Variants in ADGRB1 observed in about 807,000 individuals in gnomAD.
The protein encoded by ADGRB1 is brain-specific angiogenesis inhibitor 1.
ADGRB1 carries 36 observed loss-of-function variants against 175.7 expected under a neutral mutation model. The observed-to-expected ratio is 0.20, with a 90% CI of 0.16 to 0.27. The LOEUF (loss-of-function observed/expected upper bound fraction) is 0.27. Among genes scored for constraint, ADGRB1 ranks in the 10% least tolerant of loss-of-function variants. ADGRB1 has a pLI of 1.00. For synonymous variants in ADGRB1, 1,054 were observed against 979.4 expected (o/e 1.08, Z -1.42); for missense variants, 1,731 against 2,255.3 (o/e 0.77, Z 4.71).
chr8:142,464,089 T>TCCCCC lies in ADGRB1; in HGVS notation c.-107_-106insCCCCC. The TCCCCC allele has an allele frequency of 4.8e-6, 1 of 210,056 alleles. No homozygotes were observed. Among genetic ancestry groups the TCCCCC allele is most frequent in the Admixed American group, 6.7e-5 (1 of 14,852 alleles). The allele number at this position is 210,056 out of a possible 1,614,324, so 13.0% of individuals were successfully genotyped here. On this transcript the variant is annotated 5_prime_UTR_variant, in exon 2 of 31. Coordinates refer to ENST00000517894, the MANE Select transcript of ADGRB1 (RefSeq NM_001702.3). ...TCTCCCATCCCACCCTTGCCCCGCC[T>TCCCCC]CCCTGCCCCCACCGGGCCGGCCCTG... is the stretch of plus-strand genomic sequence containing the variant.
In ADGRB1 at chr8:142,543,459, C is replaced by G. The variant is rs373940748; in HGVS notation, c.4449+21C>G. 6.2e-6 allele frequency: 10 copies of G among 1,613,500 alleles called. No individual in the cohort carries two copies. Among genetic ancestry groups the G allele is most frequent in the African/African-American group, 1.3e-5 (1 of 75,040 alleles). On this transcript the variant is annotated intron_variant, in intron 29 of 30. Coordinates refer to ENST00000517894, the MANE Select transcript of ADGRB1 (RefSeq NM_001702.3). This position sits in a 1 kb window ranked among gnomAD's most constrained non-coding sequence, Gnocchi z 4.4. ...TTGAGGTGAGTTCTGGTGTCCCCCC[C>G]CACCAGACACTTAGGGCCAGATGTG...
rs1444351209 is a variant in ADGRB1 at position 142,543,360 on chromosome 8, C to T, written c.4414-43C>T. On this transcript the variant is annotated intron_variant, in intron 28 of 30. Transcript: ENST00000517894. This position sits in a 1 kb window ranked among gnomAD's most constrained non-coding sequence, Gnocchi z 4.4. ...GAGGCAGGGAGAGGCGTGGACTTGTCAGGGACCCTTGGCGAATGTTCGCAA... is the reference window on the plus strand; with the variant it reads ...GAGGCAGGGAGAGGCGTGGACTTGTTAGGGACCCTTGGCGAATGTTCGCAA... 6.2e-7 allele frequency: 1 copy of T among 1,612,124 alleles called. No homozygotes were observed. Among genetic ancestry groups the T allele is most frequent in the Non-Finnish European group, 8.5e-7 (1 of 1,179,014 alleles).
At chr8:142,462,801 G>A (rs556149347) in intron 1 of ADGRB1, among the ~76,000 whole-genome samples, 3 of 152,360 alleles carry the variant, frequency 2.0e-5, no homozygotes, top group Non-Finnish European at 4.4e-5. Flanking sequence ...TGGGATGGAC[G>A]GCCTGGCCAG....
intron 8 of ADGRB1, 47 bp downstream of exon 8, chr8:142,479,534 G>A (rs12682337): frequency 0.81 from 1,215,852 of 1,508,890 alleles, 490,956 homozygotes; most frequent in South Asian, 0.86. Flanking sequence ...GGCTGATGGC[G>A]ATTGGGCGGG....
intron 13 of ADGRB1, among the ~76,000 whole-genome samples, chr8:142,485,857 G>A (rs924466444): frequency 6.6e-6 from 1 of 152,296 alleles, no homozygotes; most frequent in Non-Finnish European, 1.5e-5. Context: ...TCTGGAGGCC[G>A]GAAAGTCCAA....
intron 2 of ADGRB1, among the ~76,000 whole-genome samples, chr8:142,466,579 C>T (rs570666802): frequency 2.0e-5 from 3 of 152,318 alleles, no homozygotes; most frequent in Non-Finnish European, 4.4e-5. Flanking sequence ...ACCTCAGCTG[C>T]GTCAGGTGCC....
rs1290386578 is a variant in ADGRB1 at position 142,481,821 on chromosome 8, C to A, written c.2130+110C>A. The A allele has an allele frequency of 6.0e-6, 6 of 992,058 alleles. No individual in the cohort carries two copies. The Admixed American group carries it at 1.2e-4, about 20-fold the overall frequency. The allele number at this position is 992,058 out of a possible 1,614,324, so 61.5% of individuals were successfully genotyped here. On this transcript the variant is annotated intron_variant, in intron 11 of 30. Transcript: ENST00000517894. ...CCCTGGCCACAGCCCAGGCCCTAAC[C>A]CATGTCATAGGTTGAACTCTGACCT...
chr8:142,477,284 TG>T lies in ADGRB1; in HGVS notation c.1222+9del. 6.6e-7 allele frequency: 1 copy of T among 1,525,576 alleles called. No homozygotes were observed. The highest frequency in any genetic ancestry group is 2.3e-5 in the East Asian group (1 of 44,418). 94.5% of individuals were successfully genotyped at this position (1,525,576 alleles called of 1,614,324 possible). A position where few individuals can be genotyped will look rare whatever the true frequency, so the allele number is the denominator to read the frequency against. On this transcript the variant is annotated splice_region_variant and intron_variant, in intron 5 of 30. Transcript: ENST00000517894. ...CAACTCTGCCGTGTGCCCAGGTGGG[TG>T]GGACCTTGGGCTGGGGCAGCGGACA...
At chr8:142,508,637 G>A (rs1411191378) in intron 17 of ADGRB1, among the ~76,000 whole-genome samples, 6 of 152,204 alleles carry the variant, frequency 3.9e-5, no homozygotes, top group Non-Finnish European at 7.3e-5. Flanking sequence ...GTCCCTGGCC[G>A]CCATCGCAGT....
In ADGRB1 at chr8:142,508,479, T is replaced by C. The variant is rs1467780608; in HGVS notation, c.2676-2453T>C. 2.0e-5 allele frequency among the ~76,000 whole-genome samples: 3 copies of C among 152,174 alleles called. No homozygotes were observed. In the East Asian group the frequency reaches 5.8e-4, roughly 29 times the overall value. On this transcript the variant is annotated intron_variant, in intron 17 of 30. Coordinates refer to ENST00000517894, the MANE Select transcript of ADGRB1 (RefSeq NM_001702.3). ...ACCCCACGCTCCCTTTCCTGTTCTG[T>C]CCATAGCCCCAAAGCCTGCCTGGGT... is the stretch of plus-strand genomic sequence containing the variant.
intron 24 of ADGRB1, among the ~76,000 whole-genome samples, chr8:142,529,810 CTG>C (rs1844496337): frequency 1.4e-5 from 2 of 144,554 alleles, no homozygotes; most frequent in Admixed American, 6.9e-5. Context: ...GAGTGTGCAT[CTG>C]TGTGAGTGCA....
chr8:142,488,248 C>G, intron 13 of ADGRB1, 116 bp from the exon 14 acceptor site: 1 of 1,418,122 alleles, frequency 7.1e-7, no homozygotes, highest in African/African-American at 1.4e-5. Context: ...GCCATGGGCA[C>G]CCCGCGGCAT....
At chr8:142,466,446 G>T (rs1164027970) in intron 2 of ADGRB1, among the ~76,000 whole-genome samples, 3 of 152,240 alleles carry the variant, frequency 2.0e-5, no homozygotes, top group Non-Finnish European at 4.4e-5. Flanking sequence ...GGGGCCAGAG[G>T]AAGGAGGGAC....
chr8:142,479,208 G>T (rs1841190434), intron 7 of ADGRB1, 115 bp from the exon 8 acceptor site: 4 of 1,215,282 alleles, frequency 3.3e-6, no homozygotes, highest in Admixed American at 7.5e-5. Context: ...GGGTCCCTAT[G>T]TTTCACTGCC....
chr8:142,501,840 T>G (rs1237608950), intron 17 of ADGRB1, among the ~76,000 whole-genome samples: 1 of 40,410 alleles, frequency 2.5e-5, no homozygotes, highest in African/African-American at 6.3e-5. Context: ...GTGGTGGTAT[T>G]GATGTTTGTG....
At position 142,462,167 on chromosome 8, in the gene ADGRB1, G is replaced by A. The variant is rs1004110483; in HGVS notation, c.-219-1813G>A. Among the ~76,000 whole-genome samples the A allele has an allele frequency of 7.9e-4, 121 of 152,264 alleles. 1 individual carries two copies. The highest frequency in any genetic ancestry group is 5.1e-4 in the Non-Finnish European group (35 of 68,018). ...ACGAATGCGCCAGGATGGGAAGATT[G>A]TTTTGTAGGTTTGTCCCTTTCTAAA... On this transcript the variant is annotated intron_variant, in intron 1 of 30. Transcript: ENST00000517894.
chr8:142,524,290 G>A lies in ADGRB1; in HGVS notation c.3298G>A (p.Ala1100Thr), dbSNP rs537961331. 7 of 1,599,514 alleles carry A rather than the reference G, an allele frequency of 4.4e-6. No individual in the cohort carries two copies. Among genetic ancestry groups the A allele is most frequent in the Admixed American group, 3.4e-5 (2 of 59,598 alleles). Reference sequence around the variant, plus strand: ...GCTCTATGCCTTCGTGGGACCTGCCGCTGCCGTTGTGCTGGTACTGACCCG... The same window carrying A: ...GCTCTATGCCTTCGTGGGACCTGCCACTGCCGTTGTGCTGGTACTGACCCG... ...GLLYAFVGPA[A>T]AVVLVNMVIG... is the part of the protein sequence containing the mutation. Residue 1100 changes from alanine (A) to threonine (T), a missense_variant, in exon 23 of 31, where the codon GCT becomes ACT. Ala to Thr is a moderately conservative substitution (Grantham distance 58). Around this residue, in one of 8 missense-constraint regions of ADGRB1, gnomAD observed 301 missense variants for 488.4 expected, o/e 0.62. Coordinates refer to ENST00000517894, the MANE Select transcript of ADGRB1 (RefSeq NM_001702.3).
intron 13 of ADGRB1, among the ~76,000 whole-genome samples, 189 bp downstream of exon 13, chr8:142,484,953 G>A (rs1841585615): frequency 6.6e-6 from 1 of 152,242 alleles, no homozygotes; most frequent in Non-Finnish European, 1.5e-5. Context: ...CCTAGGAGGG[G>A]ATGAGACACA....
chr8:142,456,376 C>T (rs950208884), intron 1 of ADGRB1, among the ~76,000 whole-genome samples: 4 of 152,116 alleles, frequency 2.6e-5, no homozygotes, highest in Non-Finnish European at 5.9e-5. Context: ...GAACAGTGTG[C>T]ACACACACTT....
Sources: gnomAD v4.1 joint callset for allele counts (sites outside exome capture counted in the v4.1 genomes callset) on GRCh38, gnomAD v4.1.1 for gene constraint, gnomAD v4.1.1 regional missense constraint, Gnocchi (gnomAD v3.1) non-coding constraint, MANE v1.5 for transcripts, NCBI Gene and HGNC (gene_info 2026-07-23, HGNC 2026-07-21) for gene names.